The following ADORA2A variants were observed in gnomAD, a reference collection of about 807,000 sequenced individuals.
The protein encoded by ADORA2A is adenosine receptor A2a.
Under a neutral mutation model 18.4 loss-of-function variants are expected in ADORA2A, and 11 were observed. The observed-to-expected ratio is 0.60, with a 90% CI of 0.38 to 0.99. ADORA2A has a LOEUF of 0.99. Ranked by LOEUF, ADORA2A falls within the 50% of genes least tolerant of loss-of-function variation. The pLI, the probability that ADORA2A is intolerant of heterozygous loss-of-function variation, is 0.01. For synonymous variants in ADORA2A, 218 were observed against 237.3 expected (o/e 0.92, Z 0.75); for missense variants, 449 against 556.1 (o/e 0.81, Z 1.94).
upstream of ADORA2A, among the ~76,000 whole-genome samples, chr22:24,425,761 G>C (rs1489374215): frequency 6.6e-6 from 1 of 152,256 alleles, no homozygotes; most frequent in African/African-American, 2.4e-5. Flanking sequence ...GCAACGCGAT[G>C]TGCTGGAGAT....
chr22:24,424,010 G>T (rs1251632513), upstream of ADORA2A: 3 of 152,808 alleles, frequency 2.0e-5, no homozygotes, highest in Non-Finnish European at 2.9e-5. This position sits in a 1 kb window ranked among gnomAD's most constrained non-coding sequence, Gnocchi z 4.9. Flanking sequence ...CGGGTCCGGG[G>T]TGCGGGGTGC....
rs2043087939 is a variant in ADORA2A at position 24,433,255 on chromosome 22, C to T, written c.-150C>T. ...GCCCTTGGAGAGCGCCCCAGCAGGG[C>T]TGCACTTGGCTCCTGTGAGGAAGGG... On this transcript the variant is annotated 5_prime_UTR_variant, in exon 2 of 3. Transcript: ENST00000337539. 4 of 714,428 alleles carry T rather than the reference C, an allele frequency of 5.6e-6. No individual in the cohort carries two copies. The highest frequency in any genetic ancestry group is 1.9e-5 in the South Asian group (1 of 53,446). The allele number at this position is 714,428 out of a possible 1,614,324, so 44.3% of individuals were successfully genotyped here. A position where few individuals can be genotyped will look rare whatever the true frequency, so the allele number is the denominator to read the frequency against.
At chr22:24,438,211 CAGA>C (rs1197758389) in intron 2 of ADORA2A, 1 of 152,254 alleles carries the variant, frequency 6.6e-6, no homozygotes, top group Non-Finnish European at 1.5e-5. Context: ...CCTTAGAGGG[CAGA>C]GTGCTGACAG....
chr22:24,435,011 C>T (rs1318095682), intron 2 of ADORA2A, among the ~76,000 whole-genome samples: 4 of 152,222 alleles, frequency 2.6e-5, no homozygotes, highest in Non-Finnish European at 4.4e-5. Context: ...CACCAGGTGG[C>T]TGTCCCTGTC....
chr22:24,440,025 A>T (rs1462352547), intron 2 of ADORA2A, among the ~76,000 whole-genome samples: 1 of 152,118 alleles, frequency 6.6e-6, no homozygotes, highest in South Asian at 2.1e-4. Flanking sequence ...GGAAGAGAAG[A>T]CAGGGTATGG....
intron 2 of ADORA2A, among the ~76,000 whole-genome samples, chr22:24,437,288 A>G (rs530435343): frequency 1.3e-5 from 2 of 152,344 alleles, no homozygotes; most frequent in East Asian, 3.9e-4. Context: ...TGGGCACCCC[A>G]GAGTGGTGGT....
At chr22:24,431,168 C>T (rs1334251294) in intron 1 of ADORA2A, 1 of 456,664 alleles carries the variant, frequency 2.2e-6, no homozygotes, top group Non-Finnish European at 4.4e-6. Context: ...TGAATGGCTG[C>T]CTGGCAAGTG....
rs1294240504 is a variant in ADORA2A at position 24,440,711 on chromosome 22, A to G, written c.461A>G (p.Asn154Ser). 3.7e-6 allele frequency: 6 copies of G among 1,614,012 alleles called. No individual in the cohort carries two copies. Among genetic ancestry groups the G allele is most frequent in the Non-Finnish European group, 5.1e-6 (6 of 1,179,978 alleles). The change falls in exon 3 of 3, where the codon AAC becomes AGC. Residue 154 changes from asparagine to serine, a missense_variant. By Grantham distance (46) the Asn-to-Ser change is conservative. Transcript: ENST00000337539. ...NNCGQPKEGKNHSQGCGEGQV... is the reference protein window; with the variant it reads ...NNCGQPKEGKSHSQGCGEGQV... ...TGCGGTCAGCCAAAGGAGGGCAAGA[A>G]CCACTCCCAGGGCTGCGGGGAGGGC...
intron 1 of ADORA2A, chr22:24,431,623 T>C: frequency 2.5e-6 from 1 of 398,484 alleles, no homozygotes; most frequent in Non-Finnish European, 5.1e-6. Context: ...GCCTCTGACC[T>C]CTTGTCCCCA....
chr22:24,437,522 T>TA (rs1459517801), intron 2 of ADORA2A, among the ~76,000 whole-genome samples: 1 of 152,026 alleles, frequency 6.6e-6, no homozygotes, highest in Non-Finnish European at 1.5e-5. Flanking sequence ...TGAATAAACT[T>TA]AGTCTATTTG....
intron 2 of ADORA2A, among the ~76,000 whole-genome samples, 191 bp downstream of exon 2, chr22:24,433,927 T>C (rs2043110723): frequency 6.6e-6 from 1 of 152,262 alleles, no homozygotes; most frequent in Admixed American, 6.5e-5. Flanking sequence ...CCGAACTGAC[T>C]GACCCCTATG....
At chr22:24,436,061 G>C (rs1057491320) in intron 2 of ADORA2A, among the ~76,000 whole-genome samples, 3 of 152,222 alleles carry the variant, frequency 2.0e-5, no homozygotes, top group African/African-American at 4.8e-5. Context: ...GGGGAGGCCA[G>C]AGCAGGGAAG....
chr22:24,433,644 T>A lies in ADORA2A; in HGVS notation c.240T>A (p.Ile80=). ...FCAACHGCLF[I]ACFVLVLTQS... ...CTGCCTGCCACGGCTGCCTCTTCAT[T>A]GCCTGCTTCGTCCTGGTCCTCACGC... The change falls in exon 2 of 3, where the codon ATT becomes ATA. Residue 80 remains isoleucine, a synonymous_variant. Coordinates refer to ENST00000337539, the MANE Select transcript of ADORA2A (RefSeq NM_000675.6). The A allele has an allele frequency of 1.2e-6, 2 of 1,613,624 alleles. No homozygotes were observed. Among genetic ancestry groups the A allele is most frequent in the Non-Finnish European group, 1.7e-6 (2 of 1,180,040 alleles).
intron 1 of ADORA2A, chr22:24,429,647 C>T (rs1601398742): frequency 6.6e-6 from 1 of 152,280 alleles, no homozygotes; most frequent in East Asian, 1.9e-4. Flanking sequence ...CGGCCGCAGC[C>T]CTACACCACC....
chr22:24,436,395 C>T (rs565341322), intron 2 of ADORA2A, among the ~76,000 whole-genome samples: 35 of 152,290 alleles, frequency 2.3e-4, no homozygotes, highest in African/African-American at 7.2e-4. Context: ...CCCCACTCTC[C>T]ATTAACTTTT....
intron 2 of ADORA2A, among the ~76,000 whole-genome samples, chr22:24,437,369 T>C (rs571366287): frequency 2.6e-5 from 4 of 152,246 alleles, no homozygotes; most frequent in African/African-American, 7.2e-5. Flanking sequence ...GACGGCAAGA[T>C]GTGAGTGTGT....
intron 2 of ADORA2A, 130 bp from the exon 3 acceptor site, chr22:24,440,453 G>A: frequency 1.1e-6 from 1 of 871,794 alleles, no homozygotes; most frequent in East Asian, 2.5e-5. Context: ...GGGGCGAGGT[G>A]GCAGGAAATG....
chr22:24,440,950 T>C lies in ADORA2A; in HGVS notation c.700T>C (p.Ser234Pro). 1 of 1,614,102 alleles carries C rather than the reference T, an allele frequency of 6.2e-7. No homozygotes were observed. The highest frequency in any genetic ancestry group is 8.5e-7 in the Non-Finnish European group (1 of 1,180,020). Residue 234 changes from serine (S) to proline (P), a missense_variant, in exon 3 of 3, where the codon TCA (serine) becomes CCA (proline). Ser to Pro is a moderately conservative substitution (Grantham distance 74, BLOSUM62 -1). Transcript: ENST00000337539. ...GCAGAAGGAGGTCCATGCTGCCAAGTCACTGGCCATCATTGTGGGGCTCTT... is the reference window on the plus strand; with the variant it reads ...GCAGAAGGAGGTCCATGCTGCCAAGCCACTGGCCATCATTGTGGGGCTCTT... Reference protein sequence around the residue: ...TLQKEVHAAKSLAIIVGLFAL... With the variant: ...TLQKEVHAAKPLAIIVGLFAL...
intron 2 of ADORA2A, chr22:24,438,624 G>A (rs1384010245): frequency 6.6e-6 from 1 of 152,212 alleles, no homozygotes; most frequent in Non-Finnish European, 1.5e-5. Flanking sequence ...GAATGGGCTT[G>A]TCCGGTTACT....
Sources: gnomAD v4.1 joint callset for allele counts (sites outside exome capture counted in the v4.1 genomes callset) on GRCh38, gnomAD v4.1.1 for gene constraint, Gnocchi (gnomAD v3.1) non-coding constraint, MANE v1.5 for transcripts, NCBI Gene and HGNC (gene_info 2026-07-23, HGNC 2026-07-21) for gene names.